Variants in DNAJC3 observed in about 807,000 individuals in gnomAD.
The protein encoded by DNAJC3 is DnaJ heat shock protein family (Hsp40) member C3.
A neutral mutation model predicts 68.6 loss-of-function variants in DNAJC3; 38 were observed. That is an observed-to-expected ratio of 0.55 (90% CI 0.43 to 0.73). DNAJC3 has a LOEUF of 0.73. Among genes scored for constraint, DNAJC3 ranks in the 30% least tolerant of loss-of-function variants. The pLI is 0.00. For missense variants in DNAJC3, 526 were observed against 591.9 expected, an observed-to-expected ratio of 0.89 and a Z score of 1.16; for synonymous variants, 203 against 204.0, an observed-to-expected ratio of 1.00 and a Z score of 0.04.
intron 11 of DNAJC3, among the ~76,000 whole-genome samples, chr13:95,789,347 C>T (rs1443560669): frequency 6.6e-6 from 1 of 152,116 alleles, no homozygotes; most frequent in East Asian, 1.9e-4. Context: ...TGTGTTGTTC[C>T]CCTTTATGCA....
rs567137008 is a variant in DNAJC3, at chr13:95,790,916, A to G, written c.1401A>G (p.Ala467=). 100 of 1,607,092 alleles carry G rather than the reference A, an allele frequency of 6.2e-5. No individual in the cohort carries two copies. In the South Asian group the frequency reaches 1.1e-3, roughly 17 times the overall value. Residue 467 remains alanine, a synonymous_variant, in exon 12 of 12, where the codon GCA becomes GCG. Coordinates refer to ENST00000602402, the MANE Select transcript of DNAJC3 (RefSeq NM_006260.5). ...KFDDGEDPLD[A]ESQQGGGGNP... Reference sequence around the variant, plus strand: ...ACGACGGAGAAGATCCTTTGGATGCAGAGAGCCAGCAAGGAGGCGGCGGCA... The same window carrying G: ...ACGACGGAGAAGATCCTTTGGATGCGGAGAGCCAGCAAGGAGGCGGCGGCA...
chr13:95,710,443 C>T (rs1007656267), intron 2 of DNAJC3, among the ~76,000 whole-genome samples: 1 of 151,966 alleles, frequency 6.6e-6, no homozygotes, highest in African/African-American at 2.4e-5. Context: ...GTTGTCCAGG[C>T]TGGTCTGAAA....
intron 11 of DNAJC3, among the ~76,000 whole-genome samples, chr13:95,789,143 A>C (rs1344865551): frequency 6.6e-6 from 1 of 152,064 alleles, no homozygotes; most frequent in Middle Eastern, 3.4e-3. Context: ...AAACCTAGCT[A>C]TATGCTAAGT....
At chr13:95,692,469 A>T (rs1320354275) in intron 1 of DNAJC3, 1 of 151,878 alleles carries the variant, frequency 6.6e-6, no homozygotes, top group Non-Finnish European at 1.5e-5. Context: ...TTGAGTGTGT[A>T]TATGTTTAGC....
chr13:95,761,234 G>C (rs913551410), intron 7 of DNAJC3, among the ~76,000 whole-genome samples: 1 of 152,078 alleles, frequency 6.6e-6, no homozygotes, highest in African/African-American at 2.4e-5. Flanking sequence ...TCCAAACCAG[G>C]ATGGTAAAGG....
At chr13:95,740,130 C>T (rs891710278) in intron 4 of DNAJC3, among the ~76,000 whole-genome samples, 9 of 152,160 alleles carry the variant, frequency 5.9e-5, no homozygotes, top group African/African-American at 9.7e-5. Context: ...GCTCGGGGGT[C>T]GGGGTCAGGG....
intron 4 of DNAJC3, among the ~76,000 whole-genome samples, chr13:95,741,453 CAATAACAGG>C (rs1465159513): frequency 6.6e-6 from 1 of 152,094 alleles, no homozygotes; most frequent in Non-Finnish European, 1.5e-5. Context: ...CTAGTGGGGG[CAATAACAGG>C]CCAAACATGC....
intron 1 of DNAJC3, among the ~76,000 whole-genome samples, chr13:95,688,258 C>A (rs1252481996): frequency 6.6e-6 from 1 of 151,984 alleles, no homozygotes; most frequent in Non-Finnish European, 1.5e-5. Flanking sequence ...TATTTGGATG[C>A]CTTTTATTTC....
chr13:95,724,505 A>G (rs1242620495), intron 3 of DNAJC3, among the ~76,000 whole-genome samples: 1 of 152,188 alleles, frequency 6.6e-6, no homozygotes, highest in African/African-American at 2.4e-5. Context: ...GGCAAAAAGT[A>G]TTTTTAAAAA....
At chr13:95,742,357 G>C (rs1288290707) in intron 4 of DNAJC3, among the ~76,000 whole-genome samples, 4 of 152,184 alleles carry the variant, frequency 2.6e-5, no homozygotes, top group African/African-American at 7.2e-5. Flanking sequence ...TATTCTTACA[G>C]AGGCACCATG....
In DNAJC3 at chr13:95,793,267, G is replaced by A. The variant is rs1883841845; in HGVS notation, c.*2237G>A. On this transcript the variant is annotated 3_prime_UTR_variant, in exon 12 of 12. Coordinates refer to ENST00000602402, the MANE Select transcript of DNAJC3 (RefSeq NM_006260.5). The stretch of plus-strand genomic sequence containing the variant: ...CTGATTCATGAAGAAAGTAACAACT[G>A]TTGAGTTTCAGCCTTGATGGCTGTC... 6.6e-6 allele frequency: 1 copy of A among 152,156 alleles called. No individual in the cohort carries two copies. Among genetic ancestry groups the A allele is most frequent in the Non-Finnish European group, 1.5e-5 (1 of 68,042 alleles). 9.4% of individuals were successfully genotyped at this position (152,156 alleles called of 1,614,324 possible).
At chr13:95,739,503 C>A (rs1437158304) in intron 4 of DNAJC3, among the ~76,000 whole-genome samples, 1 of 151,290 alleles carries the variant, frequency 6.6e-6, no homozygotes, top group Non-Finnish European at 1.5e-5. Context: ...TCCCATATTT[C>A]TTGGAGGCTT....
At chr13:95,694,409 A>G (rs1880370624) in intron 1 of DNAJC3, 1 of 152,466 alleles carries the variant, frequency 6.6e-6, no homozygotes. Context: ...ATAACCCTAA[A>G]CCTCCATAAA....
At chr13:95,689,143 TTTC>T in intron 1 of DNAJC3, among the ~76,000 whole-genome samples, 1 of 151,880 alleles carries the variant, frequency 6.6e-6, no homozygotes, top group African/African-American at 2.4e-5. Flanking sequence ...TTTTTTTTTT[TTTC>T]GGGGGGGAAT....
chr13:95,714,178 T>C (rs1246520449), intron 2 of DNAJC3, among the ~76,000 whole-genome samples: 1 of 152,226 alleles, frequency 6.6e-6, no homozygotes, highest in Non-Finnish European at 1.5e-5. Flanking sequence ...TTTAAAAAGT[T>C]ACCTGCAAGT....
At chr13:95,736,297 C>T (rs537083432) in intron 4 of DNAJC3, among the ~76,000 whole-genome samples, 5 of 151,898 alleles carry the variant, frequency 3.3e-5, no homozygotes, top group South Asian at 2.1e-4. Context: ...TTTGACTTGG[C>T]GATGCGGGCT....
intron 1 of DNAJC3, among the ~76,000 whole-genome samples, chr13:95,697,318 T>G (rs1469833836): frequency 6.6e-6 from 1 of 152,210 alleles, no homozygotes; most frequent in Non-Finnish European, 1.5e-5. Context: ...TGGTTATAGT[T>G]TTTTTGTTCG....
intron 4 of DNAJC3, among the ~76,000 whole-genome samples, chr13:95,736,118 G>C (rs2139652996): frequency 6.6e-6 from 1 of 152,228 alleles, no homozygotes; most frequent in Middle Eastern, 3.4e-3. Context: ...GTTTGTCAAA[G>C]ATCAGATAGT....
At chr13:95,785,088 C>T (rs970471885) in intron 9 of DNAJC3, among the ~76,000 whole-genome samples, 17 of 152,186 alleles carry the variant, frequency 1.1e-4, no homozygotes, top group Non-Finnish European at 1.9e-4. Flanking sequence ...CTGTGGGTTA[C>T]TGAGTCATTC....
Sources: allele counts gnomAD v4.1 joint callset (sites outside exome capture counted in the v4.1 genomes callset), GRCh38; gene constraint gnomAD v4.1.1; transcripts MANE v1.5; gene names NCBI Gene and HGNC (gene_info 2026-07-23, HGNC 2026-07-21).